Variants in CCDC3 observed in about 807,000 individuals in gnomAD.
CCDC3 encodes the protein coiled-coil domain-containing protein 3.
CCDC3 carries 24 observed loss-of-function variants against 21.4 expected under a neutral mutation model. That is an observed-to-expected ratio of 1.12 (90% CI 0.81 to 1.58). CCDC3 has a LOEUF of 1.58. Ranked by LOEUF, CCDC3 falls within the 40% of genes most tolerant of loss-of-function variation. The probability of loss-of-function intolerance (pLI) is 0.00; values close to 1 mark genes in which losing one functional copy is unlikely to be tolerated. For missense variants in CCDC3, 425 were observed against 360.9 expected, an observed-to-expected ratio of 1.18 and a Z score of -1.44; for synonymous variants, 186 against 166.0, an observed-to-expected ratio of 1.12 and a Z score of -0.93.
At chr10:13,040,545 C>A (rs931200994) in intron 5 of CCDC3, among the ~76,000 whole-genome samples, 1 of 152,146 alleles carries the variant, frequency 6.6e-6, no homozygotes, top group Non-Finnish European at 1.5e-5. Context: ...ACAAAATTAG[C>A]TGGGCATGGT....
intron 5 of CCDC3, among the ~76,000 whole-genome samples, chr10:13,047,045 G>A (rs1236614194): frequency 6.6e-6 from 1 of 152,100 alleles, no homozygotes; most frequent in South Asian, 2.1e-4. Context: ...ATGAGAGAGG[G>A]TGAGGGATGT....
chr10:13,054,420 C>T (rs1836655689), intron 4 of CCDC3, among the ~76,000 whole-genome samples: 1 of 151,862 alleles, frequency 6.6e-6, no homozygotes, highest in Non-Finnish European at 1.5e-5. Context: ...TTTTTGTCCC[C>T]CACTCAGTAG....
intron 5 of CCDC3, among the ~76,000 whole-genome samples, chr10:13,022,634 A>G (rs1178279994): frequency 6.6e-6 from 1 of 152,302 alleles, no homozygotes; most frequent in African/African-American, 2.4e-5. Context: ...ATGCAAGGGG[A>G]CCCTCAATCT....
intron 2 of CCDC3, among the ~76,000 whole-genome samples, chr10:12,985,033 G>C (rs1032676403): frequency 6.6e-6 from 1 of 152,172 alleles, no homozygotes; most frequent in Non-Finnish European, 1.5e-5. Flanking sequence ...TGTACAGTTA[G>C]AGACTCAACT....
At chr10:13,043,387 G>A (rs1356641862) in intron 5 of CCDC3, among the ~76,000 whole-genome samples, 2 of 152,182 alleles carry the variant, frequency 1.3e-5, no homozygotes, top group Non-Finnish European at 2.9e-5. Flanking sequence ...GAGGTCAGGA[G>A]TTTGAGACCA....
At chr10:12,955,478 G>T (rs1835069112) in intron 2 of CCDC3, among the ~76,000 whole-genome samples, 1 of 152,216 alleles carries the variant, frequency 6.6e-6, no homozygotes, top group South Asian at 2.1e-4. Flanking sequence ...TGTTGGGATA[G>T]AGGAAAGGGA....
intron 4 of CCDC3, among the ~76,000 whole-genome samples, chr10:13,051,474 C>T (rs192494274): frequency 3.8e-4 from 58 of 152,294 alleles, no homozygotes; most frequent in African/African-American, 1.0e-3. Context: ...TTAAAGTCAC[C>T]GTGCACACTG....
chr10:12,926,194 G>A (rs1834534388), intron 2 of CCDC3, among the ~76,000 whole-genome samples: 1 of 152,248 alleles, frequency 6.6e-6, no homozygotes, highest in Non-Finnish European at 1.5e-5. Context: ...CACAGGTGGA[G>A]TGTGAAGACA....
intron 3 of CCDC3, among the ~76,000 whole-genome samples, chr10:13,077,343 C>T (rs1430941285): frequency 6.6e-6 from 1 of 152,150 alleles, no homozygotes; most frequent in Non-Finnish European, 1.5e-5. Flanking sequence ...CAAACCACTG[C>T]TGAACGAAAT....
chr10:13,079,277 G>GTGC (rs1387138891), intron 3 of CCDC3, among the ~76,000 whole-genome samples: 1 of 294 alleles, frequency 3.4e-3, no homozygotes, highest in African/African-American at 3.8e-3. Context: ...GGCACGCGTT[G>GTGC]TGGCCTTAGG....
At chr10:13,061,675 G>C (rs1271266478) in intron 4 of CCDC3, among the ~76,000 whole-genome samples, 1 of 152,146 alleles carries the variant, frequency 6.6e-6, no homozygotes, top group Admixed American at 6.5e-5. Flanking sequence ...TGGGGATGGG[G>C]GCTTTCAGGC....
chr10:13,038,764 T>G (rs1004715230), intron 5 of CCDC3, among the ~76,000 whole-genome samples: 1 of 152,178 alleles, frequency 6.6e-6, no homozygotes, highest in African/African-American at 2.4e-5. Flanking sequence ...CAGCTTCAAG[T>G]GCTTGGCAGG....
At chr10:13,095,054 T>C (rs913532442) in intron 3 of CCDC3, among the ~76,000 whole-genome samples, 5 of 152,150 alleles carry the variant, frequency 3.3e-5, no homozygotes, top group South Asian at 2.1e-4. Flanking sequence ...TTGCTTCTCA[T>C]ACAGGGAGTT....
chr10:13,071,754 C>T (rs1836884928), intron 4 of CCDC3, among the ~76,000 whole-genome samples: 1 of 152,210 alleles, frequency 6.6e-6, no homozygotes, highest in South Asian at 2.1e-4. Context: ...CCAGGGATGC[C>T]TGCTCCCTTC....
intron 5 of CCDC3, among the ~76,000 whole-genome samples, chr10:13,040,687 T>TCTCACACACACA (rs1554763771): frequency 9.7e-4 from 138 of 142,848 alleles, no homozygotes; most frequent in East Asian, 2.6e-3. Context: ...CAAAACTCTG[T>TCTCACACACACA]CACACACACA....
chr10:12,939,532 A>T (rs973058795), intron 2 of CCDC3, among the ~76,000 whole-genome samples: 1 of 152,126 alleles, frequency 6.6e-6, no homozygotes, highest in African/African-American at 2.4e-5. Context: ...CTGAGGGGGG[A>T]TGATCGTGGC....
intron 3 of CCDC3, among the ~76,000 whole-genome samples, chr10:13,083,038 C>T (rs952614125): frequency 6.6e-6 from 1 of 152,144 alleles, no homozygotes; most frequent in African/African-American, 2.4e-5. Flanking sequence ...CTCCATCTTT[C>T]AAGACCAATT....
chr10:12,973,539 T>C (rs1314248543), intron 2 of CCDC3, among the ~76,000 whole-genome samples: 4 of 152,200 alleles, frequency 2.6e-5, no homozygotes, highest in Non-Finnish European at 5.9e-5. Flanking sequence ...ATGTTCTTCC[T>C]ACGTGGAAGT....
Position 13,072,993 on chromosome 10 carries a change from A to T in CCDC3, c.-270+875T>A, listed in dbSNP as rs185100447. Among the ~76,000 whole-genome samples the T allele has an allele frequency of 2.1e-3, 317 of 151,330 alleles. 6 individuals carry two copies. The East Asian group carries it at 0.051, about 25-fold the overall frequency. On this transcript the variant is annotated intron_variant, in intron 4 of 6. Coordinates refer to the CCDC3 transcript ENST00000378839. ...GCGATTCTCCTGCCTCAGCCTCCCA[A>T]GCAGCTGGGATTACAGGCATGTGCC... is the stretch of plus-strand genomic sequence containing the variant.
Sources: allele counts gnomAD v4.1 joint callset (sites outside exome capture counted in the v4.1 genomes callset), GRCh38; gene constraint gnomAD v4.1.1; transcripts MANE v1.5; gene names NCBI Gene and HGNC (gene_info 2026-07-23, HGNC 2026-07-21).